NUDCD1: variants seen among roughly 807,000 people sequenced by gnomAD.
NUDCD1 encodes NudC domain containing 1.
Under a neutral mutation model 67.8 loss-of-function variants are expected in NUDCD1, and 60 were observed. That is an observed-to-expected ratio of 0.88 (90% confidence interval 0.72 to 1.10). The LOEUF is 1.10. Among genes scored for constraint, NUDCD1 ranks in the 50% least tolerant of loss-of-function variants. NUDCD1 has a pLI of 0.00. For missense variants in NUDCD1, 643 were observed against 695.0 expected, an observed-to-expected ratio of 0.93 and a Z score of 0.84; for synonymous variants, 244 against 230.8, an observed-to-expected ratio of 1.06 and a Z score of -0.52.
intron 7 of NUDCD1, among the ~76,000 whole-genome samples, 193 bp downstream of exon 7, chr8:109,275,159 T>C (rs1253456232): frequency 6.6e-6 from 1 of 152,128 alleles, no homozygotes; most frequent in Non-Finnish European, 1.5e-5. Context: ...CACACATATA[T>C]GTATGTATTT....
chr8:109,255,318 A>T (rs1317253432), intron 8 of NUDCD1, among the ~76,000 whole-genome samples: 1 of 152,180 alleles, frequency 6.6e-6, no homozygotes, highest in East Asian at 1.9e-4. Context: ...TATGGAAAAG[A>T]AGTAAATCCT....
chr8:109,274,108 G>A (rs114316792), intron 7 of NUDCD1, among the ~76,000 whole-genome samples: 27 of 152,104 alleles, frequency 1.8e-4, no homozygotes, highest in African/African-American at 6.5e-4. Flanking sequence ...GATAAAAGTC[G>A]ATTATTTTCC....
At chr8:109,301,625 A>T (rs1460009793) in intron 2 of NUDCD1, among the ~76,000 whole-genome samples, 1 of 152,148 alleles carries the variant, frequency 6.6e-6, no homozygotes, top group Non-Finnish European at 1.5e-5. Flanking sequence ...GGAACATCTC[A>T]CCAATTTCAA....
intron 2 of NUDCD1, among the ~76,000 whole-genome samples, chr8:109,302,417 C>T (rs1586292646): frequency 6.6e-6 from 1 of 151,974 alleles, no homozygotes; most frequent in Admixed American, 6.6e-5. Flanking sequence ...CAGTCTCCAC[C>T]CCAAGCTCTG....
intron 8 of NUDCD1, among the ~76,000 whole-genome samples, chr8:109,256,467 G>A (rs889433734): frequency 1.4e-5 from 2 of 146,000 alleles, no homozygotes; most frequent in African/African-American, 5.0e-5. Context: ...TCTCAAACAC[G>A]TATCACCTAC....
At chr8:109,286,189 T>C (rs893098962) in intron 5 of NUDCD1, among the ~76,000 whole-genome samples, 43 of 152,112 alleles carry the variant, frequency 2.8e-4, no homozygotes, top group African/African-American at 1.0e-3. Context: ...TCCAAGCTAA[T>C]AGGTTGGAAT....
At chr8:109,289,704 A>G (rs763651164) in intron 5 of NUDCD1, 47 bp downstream of exon 5, 41 of 967,674 alleles carry the variant, frequency 4.2e-5, no homozygotes, top group Non-Finnish European at 6.5e-5. Flanking sequence ...AGACATAAAT[A>G]TATGTTTATG....
At chr8:109,245,515 A>T in intron 8 of NUDCD1, 34 bp from the exon 9 acceptor site, 2 of 1,542,304 alleles carry the variant, frequency 1.3e-6, no homozygotes, top group Middle Eastern at 1.7e-4. Flanking sequence ...TTTACTCAAC[A>T]ACAAATTAAT....
chr8:109,278,556 A>G (rs1814351456), intron 6 of NUDCD1, among the ~76,000 whole-genome samples: 1 of 152,178 alleles, frequency 6.6e-6, no homozygotes, highest in Non-Finnish European at 1.5e-5. Context: ...GCCTTTCTTC[A>G]GTCAATCTCC....
At chr8:109,284,437 C>T (rs905735025) in intron 5 of NUDCD1, among the ~76,000 whole-genome samples, 16 of 152,226 alleles carry the variant, frequency 1.1e-4, no homozygotes, top group Admixed American at 9.2e-4. Flanking sequence ...ATCTAACAGA[C>T]ATCTACAGAA....
At chr8:109,312,035 G>T (rs1408484443) in intron 2 of NUDCD1, among the ~76,000 whole-genome samples, 1 of 152,112 alleles carries the variant, frequency 6.6e-6, no homozygotes, top group East Asian at 1.9e-4. Context: ...GGGCGCGGTG[G>T]CTCATGCCTA....
chr8:109,329,662 A>T, intron 1 of NUDCD1: 1 of 674,784 alleles, frequency 1.5e-6, no homozygotes, highest in Non-Finnish European at 2.4e-6. Context: ...AGCTAAGTTT[A>T]GTATCTTGAT....
chr8:109,257,257 T>C (rs1280306245), intron 8 of NUDCD1, among the ~76,000 whole-genome samples: 2 of 152,224 alleles, frequency 1.3e-5, no homozygotes, highest in East Asian at 3.9e-4. Flanking sequence ...TTGGAGTATC[T>C]ACAATAAAGT....
intron 4 of NUDCD1, among the ~76,000 whole-genome samples, chr8:109,290,573 T>A (rs1190615611): frequency 6.6e-6 from 1 of 152,196 alleles, no homozygotes; most frequent in Non-Finnish European, 1.5e-5. Flanking sequence ...AAATGATTTT[T>A]TTTACACAAG....
chr8:109,329,183 TA>T (rs983165715), intron 1 of NUDCD1, among the ~76,000 whole-genome samples: 7 of 147,418 alleles, frequency 4.7e-5, no homozygotes, highest in African/African-American at 1.7e-4. Flanking sequence ...CTATTGGCAA[TA>T]AAACAGAAAA....
At chr8:109,293,756 A>T (rs1280277782) in intron 3 of NUDCD1, among the ~76,000 whole-genome samples, 1 of 152,084 alleles carries the variant, frequency 6.6e-6, no homozygotes, top group Non-Finnish European at 1.5e-5. Context: ...ACTGATCATT[A>T]GTCTTGGCTA....
chr8:109,248,386 T>C (rs1813548114), intron 8 of NUDCD1, among the ~76,000 whole-genome samples: 1 of 152,206 alleles, frequency 6.6e-6, no homozygotes, highest in Admixed American at 6.6e-5. Flanking sequence ...CAACACTAAT[T>C]CTTCTTAGGA....
Position 109,249,013 on chromosome 8 carries a change from A to C in NUDCD1, c.1300-3532T>G, listed in dbSNP as rs1813563901. ...TAAAAAGAAATTGTGTATTGCAACTAATTATTTATACTTTTCCTATAGAGT... is the reference window on the plus strand; with the variant it reads ...TAAAAAGAAATTGTGTATTGCAACTCATTATTTATACTTTTCCTATAGAGT... On this transcript the variant is annotated intron_variant, in intron 8 of 9. Transcript: ENST00000239690. Among the ~76,000 whole-genome samples, 9 of 152,170 alleles carry C rather than the reference A, an allele frequency of 5.9e-5. 1 individual carries two copies. In the South Asian group the frequency reaches 1.9e-3, roughly 32 times the overall value.
intron 6 of NUDCD1, among the ~76,000 whole-genome samples, chr8:109,278,399 C>T (rs1310313492): frequency 6.6e-6 from 1 of 152,090 alleles, no homozygotes; most frequent in Non-Finnish European, 1.5e-5. Flanking sequence ...TTTAAAAAGA[C>T]ACAGTTTTGC....
Sources: allele counts gnomAD v4.1 joint callset (sites outside exome capture counted in the v4.1 genomes callset), GRCh38; gene constraint gnomAD v4.1.1; transcripts MANE v1.5; gene names NCBI Gene and HGNC (gene_info 2026-07-23, HGNC 2026-07-21).